The following TRIM58 variants were observed in gnomAD, a reference collection of about 807,000 sequenced individuals.
The protein encoded by TRIM58 is E3 ubiquitin-protein ligase TRIM58.
TRIM58 carries 38 observed loss-of-function variants against 34.1 expected under a neutral mutation model. The observed-to-expected ratio is 1.12, with a 90% CI of 0.86 to 1.46. The LOEUF (loss-of-function observed/expected upper bound fraction) is 1.46, where lower values mean the gene tolerates loss of function less well. Ranked by LOEUF, TRIM58 falls within the 40% of genes most tolerant of loss-of-function variation. The pLI is 0.00. For synonymous variants in TRIM58, 273 were observed against 275.7 expected (o/e 0.99, Z 0.10); for missense variants, 677 against 642.0 (o/e 1.05, Z -0.59).
At position 247,868,358 on chromosome 1, in the gene TRIM58, G is replaced by A. The variant is rs111998163; in HGVS notation, c.871+295G>A. 9.8e-4 allele frequency among the ~76,000 whole-genome samples: 149 copies of A among 152,208 alleles called. 1 individual carries two copies. The highest frequency in any genetic ancestry group is 3.3e-3 in the African/African-American group (139 of 41,526). ...GAGCTCTACCTCCCTCTTGGTGCTG[G>A]GAGCCATAGAAAAGGGCAGGGTTAT... On this transcript the variant is annotated intron_variant, in intron 5 of 5. Coordinates refer to ENST00000366481, the MANE Select transcript of TRIM58 (RefSeq NM_015431.4).
chr1:247,873,363 G>C lies in TRIM58; in HGVS notation c.872-2537G>C, dbSNP rs1369976541. On this transcript the variant is annotated intron_variant, in intron 5 of 5. Coordinates refer to ENST00000366481, the MANE Select transcript of TRIM58 (RefSeq NM_015431.4). ...GTTTAGGAGAGAAGGGGTAGGGAGA[G>C]GAATGGGATACAGACCATATCAAAA... 2.0e-5 allele frequency among the ~76,000 whole-genome samples: 3 copies of C among 152,058 alleles called. No homozygotes were observed. The East Asian group carries it at 5.8e-4, about 29-fold the overall frequency.
chr1:247,863,495 G>A (rs550444565), intron 2 of TRIM58, among the ~76,000 whole-genome samples: 10 of 151,646 alleles, frequency 6.6e-5, no homozygotes, highest in African/African-American at 9.7e-5. Context: ...CCGAGATCGC[G>A]CCACTGCACT....
In TRIM58 at chr1:247,875,824, A is replaced by G. The variant is rs958324113; in HGVS notation, c.872-76A>G. On this transcript the variant is annotated intron_variant, in intron 5 of 5. Transcript: ENST00000366481. ...GAGAAAAGTGAGGAACTGTGGGACT[A>G]TTCTTTTCAGTGGTTTCCTAAGTTT... The G allele has an allele frequency of 2.9e-5, 38 of 1,295,946 alleles. No individual in the cohort carries two copies. In the Admixed American group the frequency reaches 4.1e-4, roughly 14 times the overall value. The allele number at this position is 1,295,946 out of a possible 1,614,324, so 80.3% of individuals were successfully genotyped here. A position where few individuals can be genotyped will look rare whatever the true frequency, so the allele number is the denominator to read the frequency against.
rs749592425 is a variant in TRIM58 at position 247,880,028 on chromosome 1, A to G, written c.*3539A>G. On this transcript the variant is annotated 3_prime_UTR_variant, in exon 6 of 6. Coordinates refer to ENST00000366481, the MANE Select transcript of TRIM58 (RefSeq NM_015431.4). ...CAAGGGGAGGTATCTTTGTCTGTTG[A>G]CAATGATACATTCAATGTTTCTCAA... is the stretch of plus-strand genomic sequence containing the variant. Among the ~76,000 whole-genome samples the G allele has an allele frequency of 2.6e-5, 4 of 152,098 alleles. No homozygotes were observed. The highest frequency in any genetic ancestry group is 5.9e-5 in the Non-Finnish European group (4 of 68,022).
At chr1:247,863,312 G>A (rs1186066695) in intron 2 of TRIM58, among the ~76,000 whole-genome samples, 1 of 152,126 alleles carries the variant, frequency 6.6e-6, no homozygotes, top group African/African-American at 2.4e-5. Context: ...GGCCGATGCG[G>A]GCCGATCGTG....
intron 5 of TRIM58, among the ~76,000 whole-genome samples, chr1:247,869,245 G>A (rs372186737): frequency 3.9e-5 from 6 of 152,138 alleles, no homozygotes; most frequent in South Asian, 2.1e-4. Context: ...CTATGTAGAC[G>A]TGATTGATTA....
chr1:247,877,482 G>A lies in TRIM58; in HGVS notation c.*993G>A, dbSNP rs967252694. The A allele has an allele frequency of 6.6e-6, 1 of 151,996 alleles. No individual in the cohort carries two copies. The highest frequency in any genetic ancestry group is 2.4e-5 in the African/African-American group (1 of 41,368). 9.4% of individuals were successfully genotyped at this position (151,996 alleles called of 1,614,324 possible). A position where few individuals can be genotyped will look rare whatever the true frequency, so the allele number is the denominator to read the frequency against. On this transcript the variant is annotated 3_prime_UTR_variant, in exon 6 of 6. Transcript: ENST00000366481. ...CTGTAATCCCAGCTATTCTGGAGGTGGAGACAGGAGAATTGCTTGAACCCT... is the reference window on the plus strand; with the variant it reads ...CTGTAATCCCAGCTATTCTGGAGGTAGAGACAGGAGAATTGCTTGAACCCT...
chr1:247,870,139 T>C (rs1659072816), intron 5 of TRIM58, among the ~76,000 whole-genome samples: 1 of 152,128 alleles, frequency 6.6e-6, no homozygotes, highest in African/African-American at 2.4e-5. Context: ...GATAAATGAG[T>C]GTTAGAATAA....
At chr1:247,873,251 A>G (rs1471420477) in intron 5 of TRIM58, among the ~76,000 whole-genome samples, 6 of 152,094 alleles carry the variant, frequency 3.9e-5, no homozygotes, top group Admixed American at 3.9e-4. Flanking sequence ...CAAACTGACA[A>G]GTAACCATTC....
chr1:247,861,332 A>G (rs1663789262), intron 2 of TRIM58, among the ~76,000 whole-genome samples: 1 of 152,106 alleles, frequency 6.6e-6, no homozygotes, highest in Admixed American at 6.6e-5. Context: ...CCCCCAAGAT[A>G]ACATTTTGCA....
At chr1:247,875,768 C>A in intron 5 of TRIM58, 132 bp from the exon 6 acceptor site, 1 of 678,708 alleles carries the variant, frequency 1.5e-6, no homozygotes, top group Non-Finnish European at 2.4e-6. Context: ...AGGTGAAATA[C>A]TGATTTGTTT....
intron 3 of TRIM58, among the ~76,000 whole-genome samples, chr1:247,865,659 C>T (rs1663901194): frequency 6.6e-6 from 1 of 152,146 alleles, no homozygotes; most frequent in South Asian, 2.1e-4. Flanking sequence ...AGCAGAAAGA[C>T]GAGTAAGAGT....
chr1:247,872,034 G>A (rs1319641376), intron 5 of TRIM58, among the ~76,000 whole-genome samples: 1 of 152,198 alleles, frequency 6.6e-6, no homozygotes, highest in Non-Finnish European at 1.5e-5. Flanking sequence ...TGTGTTCCAG[G>A]AGCTGTGAGG....
chr1:247,863,010 T>A (rs1386356229), intron 2 of TRIM58, among the ~76,000 whole-genome samples: 1 of 152,140 alleles, frequency 6.6e-6, no homozygotes, highest in African/African-American at 2.4e-5. Context: ...CAGCCTCTGA[T>A]ATGAAGAGAG....
At chr1:247,861,728 C>T (rs926371205) in intron 2 of TRIM58, among the ~76,000 whole-genome samples, 3 of 151,910 alleles carry the variant, frequency 2.0e-5, no homozygotes, top group African/African-American at 7.3e-5. Flanking sequence ...ACAGATATTA[C>T]ATAAAGACTT....
At chr1:247,873,794 C>T (rs1293700810) in intron 5 of TRIM58, among the ~76,000 whole-genome samples, 1 of 152,058 alleles carries the variant, frequency 6.6e-6, no homozygotes, top group African/African-American at 2.4e-5. Flanking sequence ...ATGGCAAAAC[C>T]CCTTCTCTAC....
In TRIM58 at chr1:247,859,995, C is replaced by T. The variant is rs573161581; in HGVS notation, c.421-622C>T. Among the ~76,000 whole-genome samples, 10 of 152,046 alleles carry T rather than the reference C, an allele frequency of 6.6e-5. No individual in the cohort carries two copies. The East Asian group carries it at 1.7e-3, about 26-fold the overall frequency. ...TTGTAAAATATTTTTATTCATTGGA[C>T]ATTATCATTGTATTTCTAGTCATTA... On this transcript the variant is annotated intron_variant, in intron 1 of 5. Coordinates refer to ENST00000366481, the MANE Select transcript of TRIM58 (RefSeq NM_015431.4).
chr1:247,876,499 C>G lies in TRIM58; in HGVS notation c.*10C>G, dbSNP rs1189252522. On this transcript the variant is annotated 3_prime_UTR_variant, in exon 6 of 6. Coordinates refer to ENST00000366481, the MANE Select transcript of TRIM58 (RefSeq NM_015431.4). The stretch of plus-strand genomic sequence containing the variant: ...AGATGATCATCTCTAAAATTCTGTT[C>G]CCAAGATGCAGTCCTAGCGTAGCGA... 1 of 1,606,520 alleles carries G rather than the reference C, an allele frequency of 6.2e-7. No individual in the cohort carries two copies. Among genetic ancestry groups the G allele is most frequent in the Non-Finnish European group, 8.5e-7 (1 of 1,175,108 alleles).
chr1:247,868,766 G>T (rs1354948315), intron 5 of TRIM58, among the ~76,000 whole-genome samples: 1 of 152,198 alleles, frequency 6.6e-6, no homozygotes, highest in African/African-American at 2.4e-5. Flanking sequence ...CGTTACAGAG[G>T]CTAGAGATGA....
Sources: allele counts gnomAD v4.1 joint callset (sites outside exome capture counted in the v4.1 genomes callset), GRCh38; gene constraint gnomAD v4.1.1; transcripts MANE v1.5; gene names NCBI Gene and HGNC (gene_info 2026-07-23, HGNC 2026-07-21).